The following ATRN variants were observed in gnomAD, a reference collection of about 807,000 sequenced individuals.
ATRN encodes attractin, also known as attractin-2.
Under a neutral mutation model 178.7 loss-of-function variants are expected in ATRN, and 54 were observed. The ratio of observed to expected loss-of-function variants is 0.30; its 90% CI spans 0.24 to 0.38. ATRN has a LOEUF of 0.38. Among genes scored for constraint, ATRN ranks in the 10% least tolerant of loss-of-function variants. The probability of loss-of-function intolerance (pLI) is 1.00; values close to 1 mark genes in which losing one functional copy is unlikely to be tolerated. For missense variants in ATRN, 1,443 were observed against 1,815.1 expected, an observed-to-expected ratio of 0.79 and a Z score of 3.73; for synonymous variants, 636 against 663.0, an observed-to-expected ratio of 0.96 and a Z score of 0.63.
chr20:3,506,069 TACAC>T (rs1436935652), intron 1 of ATRN, among the ~76,000 whole-genome samples: 1 of 152,000 alleles, frequency 6.6e-6, no homozygotes, highest in Non-Finnish European at 1.5e-5. Flanking sequence ...CACATACACA[TACAC>T]ATACACATAC....
chr20:3,639,307 C>T (rs1468203263), intron 27 of ATRN, among the ~76,000 whole-genome samples: 2 of 152,030 alleles, frequency 1.3e-5, no homozygotes, highest in African/African-American at 2.4e-5. Context: ...CAGGCTGGAG[C>T]GCAGTGGCAT....
At position 3,530,836 on chromosome 20, in the gene ATRN, A is replaced by G. The variant is rs150720094; in HGVS notation, c.411-4417A>G. Among the ~76,000 whole-genome samples the G allele has an allele frequency of 6.4e-3, 971 of 152,274 alleles. 21 individuals are homozygous for G. The highest frequency in any genetic ancestry group is 0.043 in the Admixed American group (653 of 15,276). On this transcript the variant is annotated intron_variant, in intron 1 of 28. Transcript: ENST00000262919. ...TGCGTTGTCTGGTAATAATACTGGTAAAGTAGAAAGAAATAACTATGAGAC... is the reference window on the plus strand; with the variant it reads ...TGCGTTGTCTGGTAATAATACTGGTGAAGTAGAAAGAAATAACTATGAGAC...
intron 5 of ATRN, among the ~76,000 whole-genome samples, 182 bp downstream of exon 5, chr20:3,547,671 G>T (rs1465064763): frequency 2.6e-5 from 4 of 152,068 alleles, no homozygotes. Flanking sequence ...TACATGTGTG[G>T]TCATGGTCTT....
intron 1 of ATRN, among the ~76,000 whole-genome samples, chr20:3,522,284 A>AT (rs1239251439): frequency 6.6e-6 from 1 of 152,232 alleles, no homozygotes; most frequent in Non-Finnish European, 1.5e-5. Context: ...ATAGAGAGGA[A>AT]TTTGTACCTG....
chr20:3,637,328 C>T (rs765088383), intron 26 of ATRN, among the ~76,000 whole-genome samples: 6 of 152,180 alleles, frequency 3.9e-5, no homozygotes, highest in Admixed American at 6.5e-5. Context: ...ACACCAGCCC[C>T]GGTTTTAAGT....
Position 3,632,378 on chromosome 20 carries a change from C to T in ATRN, c.3864-1933C>T, listed in dbSNP as rs2086995912. 1.3e-5 allele frequency among the ~76,000 whole-genome samples: 2 copies of T among 152,124 alleles called. No homozygotes were observed. The highest frequency in any genetic ancestry group is 2.9e-5 in the Non-Finnish European group (2 of 68,030). On this transcript the variant is annotated intron_variant, in intron 25 of 28. Transcript: ENST00000262919. The surrounding 1 kb of genome is among the most constrained non-coding windows in gnomAD (Gnocchi z 4.2). ...CCCTCATAATGCTTGCAGTGCCCCA[C>T]ATGATCTGCCCTTCACCCTCACCCT...
intron 1 of ATRN, among the ~76,000 whole-genome samples, chr20:3,511,821 C>G (rs1233576501): frequency 6.6e-6 from 1 of 152,016 alleles, no homozygotes; most frequent in East Asian, 1.9e-4. Context: ...GTTTCACTGA[C>G]TAGATATGAA....
chr20:3,634,661 A>T (rs1021829077), intron 26 of ATRN, among the ~76,000 whole-genome samples: 6 of 152,220 alleles, frequency 3.9e-5, no homozygotes, highest in African/African-American at 1.4e-4. Context: ...TGCCAGTTTT[A>T]TCCTTCAGAC....
In ATRN at chr20:3,650,164, G is replaced by A. The variant is rs893196688; in HGVS notation, c.*3317G>A. On this transcript the variant is annotated 3_prime_UTR_variant, in exon 29 of 29. Transcript: ENST00000262919. ...AAAAAGAGCAGGGCACTGCTGGTGG[G>A]AAGAGGCATTTTACCTTCCAGTGCA... The A allele has an allele frequency of 2.0e-5, 3 of 152,642 alleles. No homozygotes were observed. Among genetic ancestry groups the A allele is most frequent in the African/African-American group, 7.2e-5 (3 of 41,432 alleles). 9.5% of individuals were successfully genotyped at this position (152,642 alleles called of 1,614,324 possible). A position where few individuals can be genotyped will look rare whatever the true frequency, so the allele number is the denominator to read the frequency against.
Position 3,538,313 on chromosome 20 carries a change from T to A in ATRN, c.495-1909T>A, listed in dbSNP as rs143321344. Among the ~76,000 whole-genome samples the A allele has an allele frequency of 6.4e-3, 975 of 152,324 alleles. 3 individuals are homozygous for A. Among genetic ancestry groups the A allele is most frequent in the Non-Finnish European group, 8.4e-3 (570 of 68,022 alleles). Reference sequence around the variant, plus strand: ...CATTTGCTGCTGCTGTCTTGATTTGTTCTAAGATGCCCACAGTTTCACCCA... The same window carrying A: ...CATTTGCTGCTGCTGTCTTGATTTGATCTAAGATGCCCACAGTTTCACCCA... On this transcript the variant is annotated intron_variant, in intron 2 of 28. Coordinates refer to ENST00000262919, the MANE Select transcript of ATRN (RefSeq NM_139321.3).
intron 2 of ATRN, among the ~76,000 whole-genome samples, chr20:3,537,208 TA>T (rs886196662): frequency 1.2e-4 from 19 of 152,376 alleles, no homozygotes; most frequent in African/African-American, 4.6e-4. Context: ...TTCTAATTAC[TA>T]CTTGAAAGCT....
At position 3,634,292 on chromosome 20, in the gene ATRN, G is replaced by A; in HGVS notation, c.3864-19G>A. ...TTCTGGGGGCTGGGATAATAACTCAGTACTTTCCTTTCTCACAGTTGTTTC... is the reference window on the plus strand; with the variant it reads ...TTCTGGGGGCTGGGATAATAACTCAATACTTTCCTTTCTCACAGTTGTTTC... On this transcript the variant is annotated intron_variant, in intron 25 of 28. Coordinates refer to ENST00000262919, the MANE Select transcript of ATRN (RefSeq NM_139321.3). 6.2e-7 allele frequency: 1 copy of A among 1,611,364 alleles called. No homozygotes were observed. Among genetic ancestry groups the A allele is most frequent in the Non-Finnish European group, 8.5e-7 (1 of 1,177,864 alleles).
intron 24 of ATRN, among the ~76,000 whole-genome samples, chr20:3,605,115 A>C (rs1419562194): frequency 6.6e-6 from 1 of 152,198 alleles, no homozygotes; most frequent in East Asian, 1.9e-4. Context: ...TCAGAAGCAT[A>C]ATCAACCTCA....
At chr20:3,481,367 G>A (rs1266179211) in intron 1 of ATRN, among the ~76,000 whole-genome samples, 2 of 152,020 alleles carry the variant, frequency 1.3e-5, no homozygotes, top group East Asian at 3.9e-4. Flanking sequence ...TTGAGACAGG[G>A]GCTTACCCTG....
rs1202211308 is a variant in ATRN at position 3,584,848 on chromosome 20, G to A, written c.3152G>A (p.Ser1051Asn). Residue 1051 changes from serine (S) to asparagine (N), a missense_variant, in exon 18 of 29, where the codon AGC (serine) becomes AAC (asparagine). Ser to Asn is a conservative substitution (Grantham distance 46). Transcript: ENST00000262919. ...AATTCCAGCATGTGTCTAGAGGACA[G>A]CAGATACAACTGGTCTTTCATTCAC... The part of the protein sequence containing the change: ...LLNSSMCLED[S>N]RYNWSFIHCP... The A allele has an allele frequency of 1.2e-6, 2 of 1,614,180 alleles. No individual in the cohort carries two copies. Among genetic ancestry groups the A allele is most frequent in the Admixed American group, 3.3e-5 (2 of 60,018 alleles).
At chr20:3,582,508 A>G (rs951375355) in intron 16 of ATRN, among the ~76,000 whole-genome samples, 154 bp downstream of exon 16, 21 of 152,212 alleles carry the variant, frequency 1.4e-4, no homozygotes, top group Non-Finnish European at 2.5e-4. Context: ...AGATTTCAGA[A>G]GCAGAAGGAA....
rs529888528 is a variant in ATRN at position 3,633,917 on chromosome 20, T to C, written c.3864-394T>C. Among the ~76,000 whole-genome samples the C allele has an allele frequency of 2.0e-5, 3 of 152,364 alleles. No individual in the cohort carries two copies. The South Asian group carries it at 6.2e-4, about 32-fold the overall frequency. ...GAAAAGTTGATTGTTACTTTAATAATTAACTTTTTCACCTTCTTAGATTTT... is the reference window on the plus strand; with the variant it reads ...GAAAAGTTGATTGTTACTTTAATAACTAACTTTTTCACCTTCTTAGATTTT... On this transcript the variant is annotated intron_variant, in intron 25 of 28. Transcript: ENST00000262919.
intron 4 of ATRN, among the ~76,000 whole-genome samples, 175 bp downstream of exon 4, chr20:3,546,065 G>C (rs938139518): frequency 1.3e-5 from 2 of 152,084 alleles, no homozygotes; most frequent in African/African-American, 4.8e-5. Context: ...CTGTTTTTCT[G>C]CTTATTTATA....
intron 1 of ATRN, among the ~76,000 whole-genome samples, chr20:3,517,789 TAAAC>T (rs1319562129): frequency 1.3e-5 from 2 of 152,092 alleles, no homozygotes; most frequent in African/African-American, 2.4e-5. Context: ...AAAAAAAAAT[TAAAC>T]AAATTTTTAA....
Sources: gnomAD v4.1 joint callset for allele counts (sites outside exome capture counted in the v4.1 genomes callset) on GRCh38, gnomAD v4.1.1 for gene constraint, Gnocchi (gnomAD v3.1) non-coding constraint, MANE v1.5 for transcripts, NCBI Gene and HGNC (gene_info 2026-07-23, HGNC 2026-07-21) for gene names.